SLC6A13: variants seen among roughly 807,000 people sequenced by gnomAD.
SLC6A13 encodes sodium- and chloride-dependent GABA transporter 2.
A neutral mutation model predicts 72.9 loss-of-function variants in SLC6A13; 69 were observed. That is an observed-to-expected ratio of 0.95 (90% CI 0.78 to 1.16). SLC6A13 has a LOEUF of 1.16. SLC6A13 is among the 50% of genes most tolerant of loss of function. The pLI, the probability that SLC6A13 is intolerant of heterozygous loss-of-function variation, is 0.00. For synonymous variants in SLC6A13, 303 were observed against 303.0 expected, an observed-to-expected ratio of 1.00 and a Z score of 0.00; for missense variants, 735 against 760.5, an observed-to-expected ratio of 0.97 and a Z score of 0.39.
chr12:226,261 A>C, intron 9 of SLC6A13, 129 bp downstream of exon 9: 1 of 1,103,312 alleles, frequency 9.1e-7, no homozygotes, highest in South Asian at 1.3e-5. Context: ...GTCTTCCCAG[A>C]ACGCATCCAC....
chr12:252,593 A>G (rs1424961494), intron 2 of SLC6A13, among the ~76,000 whole-genome samples: 1 of 152,244 alleles, frequency 6.6e-6, no homozygotes, highest in East Asian at 1.9e-4. Context: ...GGACTTGATC[A>G]TGAGGACAAA....
intron 13 of SLC6A13, among the ~76,000 whole-genome samples, chr12:221,819 T>C (rs1941223599): frequency 2.6e-5 from 4 of 152,216 alleles, no homozygotes; most frequent in South Asian, 2.1e-4. Flanking sequence ...GGCCACTGCG[T>C]GCTGTGAGGT....
At chr12:223,343 A>G (rs958610131) in intron 11 of SLC6A13, 109 bp from the exon 12 acceptor site, 1 of 590,700 alleles carries the variant, frequency 1.7e-6, no homozygotes, top group Non-Finnish European at 3.0e-6. Flanking sequence ...AGAGTTGGTG[A>G]GGATCACAGG....
At chr12:234,793 C>A (rs1457516283) in intron 7 of SLC6A13, among the ~76,000 whole-genome samples, 2 of 152,210 alleles carry the variant, frequency 1.3e-5, no homozygotes, top group African/African-American at 4.8e-5. Flanking sequence ...GCTGGGATTA[C>A]AGGCATGAGC....
chr12:242,782 G>T, intron 3 of SLC6A13, 28 bp from the exon 4 acceptor site: 1 of 1,560,188 alleles, frequency 6.4e-7, no homozygotes, highest in Non-Finnish European at 8.7e-7. Context: ...AATTGGGCTA[G>T]GAACGGTGGA....
chr12:261,797 G>C (rs1466739120), intron 1 of SLC6A13, among the ~76,000 whole-genome samples: 1 of 152,058 alleles, frequency 6.6e-6, no homozygotes, highest in Admixed American at 6.5e-5. Context: ...ATGGTGGCAG[G>C]CACCTGTAAT....
At chr12:250,278 C>T (rs889633267) in intron 2 of SLC6A13, among the ~76,000 whole-genome samples, 1 of 152,056 alleles carries the variant, frequency 6.6e-6, no homozygotes, top group Non-Finnish European at 1.5e-5. Flanking sequence ...GGATTCTAGC[C>T]ATAGAATCTA....
chr12:224,007 C>G lies in SLC6A13; in HGVS notation c.1296G>C (p.Leu432=). 6.2e-7 allele frequency: 1 copy of G among 1,614,066 alleles called. No homozygotes were observed. The highest frequency in any genetic ancestry group is 8.5e-7 in the Non-Finnish European group (1 of 1,179,994). Reference sequence around the variant, plus strand: ...AGGCCCTCACCTCTGTGAGCATGATCAGCCCCACAAGGAAGGAGACGACAG... The same window carrying G: ...AGGCCCTCACCTCTGTGAGCATGATGAGCCCCACAAGGAAGGAGACGACAG... The part of the protein sequence containing the change: ...GVSVVSFLVG[L]IMLTEGGMYV... Residue 432 remains leucine (L), a synonymous_variant, in exon 11 of 15, where the codon CTG becomes CTC. Coordinates refer to ENST00000343164, the MANE Select transcript of SLC6A13 (RefSeq NM_016615.5).
At chr12:235,345 C>G (rs1279228958) in intron 6 of SLC6A13, 121 bp from the exon 7 acceptor site, 6 of 959,064 alleles carry the variant, frequency 6.3e-6, no homozygotes, top group Admixed American at 2.1e-5. Context: ...GTTCCTCCTG[C>G]TCCCAGCTCA....
At chr12:260,714 C>G (rs960954844) in intron 1 of SLC6A13, among the ~76,000 whole-genome samples, 1 of 152,042 alleles carries the variant, frequency 6.6e-6, no homozygotes, top group African/African-American at 2.4e-5. Flanking sequence ...AAAGGGTGCT[C>G]ACAATATATA....
Position 242,703 on chromosome 12 carries a change from A to C in SLC6A13, c.389T>G (p.Ile130Ser), listed in dbSNP as rs1447464364. 6.2e-7 allele frequency: 1 copy of C among 1,608,944 alleles called. No homozygotes were observed. The highest frequency in any genetic ancestry group is 1.1e-5 in the South Asian group (1 of 89,806). The change falls in exon 4 of 15, where the codon ATC (isoleucine) becomes AGC (serine). Residue 130 changes from isoleucine (I) to serine (S), a missense_variant. By Grantham distance (142) the Ile-to-Ser change is moderately radical. Transcript: ENST00000343164. ...MIVILLNVYY[I>S]IVLAWALFYL... ...GAACAGGGCCCAGGCCAACACAATG[A>C]TGTAGTAGACGTTGAGGAGGATGAC...
At position 224,459 on chromosome 12, in the gene SLC6A13, G is replaced by C. The variant is rs1941356242; in HGVS notation, c.1115C>G (p.Ser372Cys). 6.2e-7 allele frequency: 1 copy of C among 1,614,160 alleles called. No homozygotes were observed. Among genetic ancestry groups the C allele is most frequent in the Non-Finnish European group, 8.5e-7 (1 of 1,180,034 alleles). ...YPRAVVMLPF[S>C]PLWACCFFFM... ...GAAGAAACAGCAGGCCCAGAGAGGA[G>C]AGAAGGGCAGCATCACCACAGCCCG... is the stretch of plus-strand genomic sequence containing the variant. The change falls in exon 10 of 15, where the codon TCT becomes TGT. Residue 372 changes from serine to cysteine, a missense_variant. Coordinates refer to ENST00000343164, the MANE Select transcript of SLC6A13 (RefSeq NM_016615.5).
intron 8 of SLC6A13, 36 bp downstream of exon 8, chr12:227,529 G>A (rs772157416): frequency 6.2e-7 from 1 of 1,612,398 alleles, no homozygotes; most frequent in Admixed American, 1.7e-5. Context: ...GTAGAGAGAT[G>A]CAGGTGTGTG....
chr12:250,876 T>C (rs1413613055), intron 2 of SLC6A13, among the ~76,000 whole-genome samples: 1 of 139,834 alleles, frequency 7.2e-6, no homozygotes, highest in Non-Finnish European at 1.5e-5. Flanking sequence ...CCTGGCGCAG[T>C]GGCTCATTTC....
At chr12:223,828 C>T (rs552080188) in intron 11 of SLC6A13, 164 bp downstream of exon 11, 3 of 733,342 alleles carry the variant, frequency 4.1e-6, no homozygotes, top group South Asian at 3.6e-5. Context: ...GAGGAGGGAC[C>T]TGCCTACTTT....
rs760222427 is a variant in SLC6A13, at chr12:224,150, A to T, written c.1174-21T>A. 5.6e-6 allele frequency: 9 copies of T among 1,613,474 alleles called. No individual in the cohort carries two copies. In the East Asian group the frequency reaches 1.6e-4, roughly 28 times the overall value. ...ACAAACTGGATGACAGGGCAAAGGG[A>T]TTGGAGGGAAGGAGAGCTCCCGAGA... On this transcript the variant is annotated intron_variant, in intron 10 of 14. Transcript: ENST00000343164.
At chr12:249,504 C>G (rs764733837) in intron 2 of SLC6A13, among the ~76,000 whole-genome samples, 8 of 152,094 alleles carry the variant, frequency 5.3e-5, no homozygotes, top group East Asian at 1.9e-4. Context: ...GAACTTTATG[C>G]CAGTAAGTGC....
chr12:243,096 G>A (rs1403270489), intron 3 of SLC6A13, among the ~76,000 whole-genome samples: 3 of 150,844 alleles, frequency 2.0e-5, no homozygotes, highest in Non-Finnish European at 2.9e-5. Context: ...TGCAACCTCT[G>A]CCTCCCAGGT....
rs1434397500 is a variant in SLC6A13 at position 237,268 on chromosome 12, C to T, written c.586G>A (p.Asp196Asn). Reference sequence around the variant, plus strand: ...AGGGCCCCCAGGTGCTGGATCCCATCAGAGATCTTCAAGACCCGCCGCCTG... The same window carrying T: ...AGGGCCCCCAGGTGCTGGATCCCATTAGAGATCTTCAAGACCCGCCGCCTG... ...FWERRVLKIS[D>N]GIQHLGALRW... The change falls in exon 6 of 15, where the codon GAT becomes AAT. Residue 196 changes from aspartate to asparagine, a missense_variant. By Grantham distance (23) the Asp-to-Asn change is conservative. Coordinates refer to ENST00000343164, the MANE Select transcript of SLC6A13 (RefSeq NM_016615.5). The T allele has an allele frequency of 6.2e-7, 1 of 1,614,218 alleles. No individual in the cohort carries two copies. Among genetic ancestry groups the T allele is most frequent in the South Asian group, 1.1e-5 (1 of 91,086 alleles).
Sources: gnomAD v4.1 joint callset for allele counts (sites outside exome capture counted in the v4.1 genomes callset) on GRCh38, gnomAD v4.1.1 for gene constraint, MANE v1.5 for transcripts, NCBI Gene and HGNC (gene_info 2026-07-23, HGNC 2026-07-21) for gene names.